The following USH2A variants were observed in gnomAD, a reference collection of about 807,000 sequenced individuals.
The protein encoded by USH2A is usherin.
A neutral mutation model predicts 538.9 loss-of-function variants in USH2A; 443 were observed. The observed-to-expected ratio is 0.82, with a 90% CI of 0.76 to 0.89. The LOEUF (loss-of-function observed/expected upper bound fraction) is 0.89. Ranked by LOEUF, USH2A falls within the 40% of genes least tolerant of loss-of-function variation. The pLI is 0.00. For missense variants in USH2A, 6,633 were observed against 6,324.8 expected (o/e 1.05, Z -1.65); for synonymous variants, 2,413 against 2,273.5 (o/e 1.06, Z -1.75).
intron 11 of USH2A, among the ~76,000 whole-genome samples, chr1:216,267,929 C>G (rs577089976): frequency 2.7e-4 from 41 of 152,098 alleles, no homozygotes; most frequent in African/African-American, 8.4e-4. Context: ...TTCTAGCGTT[C>G]CTTAGCTTAC....
rs12022362 is a variant in USH2A, at chr1:216,240,831, G to T, written c.2809+5754C>A. On this transcript the variant is annotated intron_variant, in intron 13 of 71. Coordinates refer to ENST00000307340, the MANE Select transcript of USH2A (RefSeq NM_206933.4). ...AATGGAGGATCCAACATAGGAGACAGGGGAAGGAAATCCCTAGTATAGCAG... is the reference window on the plus strand; with the variant it reads ...AATGGAGGATCCAACATAGGAGACATGGGAAGGAAATCCCTAGTATAGCAG... Among the ~76,000 whole-genome samples the T allele has an allele frequency of 3.9e-3, 598 of 152,272 alleles. 28 individuals carry two copies. The East Asian group carries it at 0.1, about 26-fold the overall frequency.
chr1:216,358,649 G>A (rs67460582), intron 4 of USH2A, among the ~76,000 whole-genome samples: 13,408 of 152,042 alleles, frequency 0.088, 600 homozygotes, highest in Non-Finnish European at 0.11. Flanking sequence ...CAGTAGGTAC[G>A]ACTGTACATA....
chr1:216,257,006 T>G (rs897972732), intron 11 of USH2A, among the ~76,000 whole-genome samples: 3 of 151,952 alleles, frequency 2.0e-5, no homozygotes, highest in East Asian at 1.9e-4. Flanking sequence ...TACTTACACA[T>G]GTTATAAAAC....
chr1:215,818,831 C>T (rs535926865), intron 47 of USH2A, among the ~76,000 whole-genome samples: 1 of 151,790 alleles, frequency 6.6e-6, no homozygotes, highest in African/African-American at 2.4e-5. Context: ...TTAGTATTTG[C>T]TTAATAATCT....
At chr1:216,001,591 A>G (rs1668266939) in intron 32 of USH2A, among the ~76,000 whole-genome samples, 1 of 152,190 alleles carries the variant, frequency 6.6e-6, no homozygotes, top group Admixed American at 6.5e-5. Flanking sequence ...TAACACTACT[A>G]GAAACAATCA....
At chr1:215,829,532 C>A (rs948834819) in intron 47 of USH2A, among the ~76,000 whole-genome samples, 6 of 152,184 alleles carry the variant, frequency 3.9e-5, no homozygotes, top group Non-Finnish European at 7.3e-5. Flanking sequence ...TAGACCCCGT[C>A]TGCTGATGTT....
chr1:216,254,224 CATT>C (rs1179195764), intron 11 of USH2A, among the ~76,000 whole-genome samples: 2 of 151,762 alleles, frequency 1.3e-5, no homozygotes, highest in Admixed American at 6.6e-5. Flanking sequence ...TAAAATAAAG[CATT>C]ATTATTTTTA....
At chr1:215,795,856 T>A (rs1230516254) in intron 50 of USH2A, among the ~76,000 whole-genome samples, 6 of 152,204 alleles carry the variant, frequency 3.9e-5, no homozygotes, top group Admixed American at 3.9e-4. Flanking sequence ...TTACGAATTA[T>A]TGAGGACCCC....
chr1:216,067,528 A>C (rs2102543791), intron 30 of USH2A, among the ~76,000 whole-genome samples: 1 of 151,876 alleles, frequency 6.6e-6, no homozygotes, highest in Non-Finnish European at 1.5e-5. Context: ...AAAAAGATGA[A>C]GGTAAGTATT....
At chr1:215,830,084 T>C (rs1292000483) in intron 47 of USH2A, among the ~76,000 whole-genome samples, 3 of 152,182 alleles carry the variant, frequency 2.0e-5, no homozygotes, top group Non-Finnish European at 4.4e-5. Flanking sequence ...TAAGAATGAA[T>C]GTTACAGGGT....
chr1:215,759,948 T>G, intron 56 of USH2A, 105 bp from the exon 57 acceptor site: 1 of 1,320,724 alleles, frequency 7.6e-7, no homozygotes, highest in Non-Finnish European at 1.1e-6. Context: ...TCTGTTGATT[T>G]TAAAAAATAT....
At chr1:215,709,484 C>A (rs149813747) in intron 61 of USH2A, among the ~76,000 whole-genome samples, 4 of 150,888 alleles carry the variant, frequency 2.7e-5, no homozygotes, top group African/African-American at 7.3e-5. Context: ...AAAAACAGAG[C>A]AAAATCTTTT....
rs143624066 is a variant in USH2A at position 216,070,157 on chromosome 1, C to T, written c.5993G>A (p.Arg1998His). 4.7e-4 allele frequency: 751 copies of T among 1,613,914 alleles called. 4 individuals are homozygous for T. In the African/African-American group the frequency reaches 9.1e-3, roughly 19 times the overall value. The change falls in exon 30 of 72, where the codon CGT (arginine) becomes CAT (histidine). Residue 1998 changes from arginine to histidine, a missense_variant. By Grantham distance (29) the Arg-to-His change is conservative. Coordinates refer to ENST00000307340, the MANE Select transcript of USH2A (RefSeq NM_206933.4). ...ACTGGCAGAGGGCATGCGGGGTGGA[C>T]GGGTGCTGTCCTCACTATAGGCTTT... ...ILKAYSEDSTRPPRMPSASAE... is the reference protein window; with the variant it reads ...ILKAYSEDSTHPPRMPSASAE...
intron 38 of USH2A, among the ~76,000 whole-genome samples, chr1:215,910,637 C>G (rs1665757662): frequency 6.6e-6 from 1 of 151,918 alleles, no homozygotes; most frequent in African/African-American, 2.4e-5. Context: ...ATGATCCTGT[C>G]ATATCATTAC....
rs77792891 is a variant in USH2A at position 215,625,868 on chromosome 1, A to G, written c.15522T>C (p.Tyr5174=). The stretch of plus-strand genomic sequence containing the variant: ...CGTTCATCAGGTCCTCTTCATCCAC[A>G]TACTGAAAAATAAGCCAATCATCAT... ...EAIMGHNSGL[Y]VDEEDLMNAI... The change falls in exon 72 of 72, where the codon TAT becomes TAC. Residue 5174 remains tyrosine, a splice_region_variant and synonymous_variant. Coordinates refer to ENST00000307340, the MANE Select transcript of USH2A (RefSeq NM_206933.4). The G allele has an allele frequency of 8.3e-3, 13,401 of 1,613,968 alleles. 844 individuals are homozygous for G. The African/African-American group carries it at 0.14, about 17-fold the overall frequency.
intron 44 of USH2A, among the ~76,000 whole-genome samples, chr1:215,857,733 C>A (rs933078841): frequency 6.6e-6 from 1 of 152,188 alleles, no homozygotes; most frequent in African/African-American, 2.4e-5. Context: ...ATTCTCCATA[C>A]ACTGGCCATG....
chr1:216,231,259 A>AGT (rs1491391548), intron 14 of USH2A, among the ~76,000 whole-genome samples: 1 of 98,116 alleles, frequency 1.0e-5, no homozygotes, highest in African/African-American at 3.6e-5. Context: ...TTATATATAT[A>AGT]ATATATATAT....
chr1:215,695,488 TA>T (rs140446187), intron 61 of USH2A, among the ~76,000 whole-genome samples: 5 of 150,504 alleles, frequency 3.3e-5, no homozygotes, highest in African/African-American at 4.9e-5. Flanking sequence ...TATTTCCCAA[TA>T]AAAAAAAACA....
At chr1:215,800,250 G>A (rs1015153697) in intron 49 of USH2A, among the ~76,000 whole-genome samples, 1 of 151,924 alleles carries the variant, frequency 6.6e-6, no homozygotes, top group African/African-American at 2.4e-5. Flanking sequence ...GTCTTCCCTC[G>A]TGGCCTTCGG....
Sources: allele counts gnomAD v4.1 joint callset (sites outside exome capture counted in the v4.1 genomes callset), GRCh38; gene constraint gnomAD v4.1.1; transcripts MANE v1.5; gene names NCBI Gene and HGNC (gene_info 2026-07-23, HGNC 2026-07-21).